The following DENND1A variants were observed in gnomAD, a reference collection of about 807,000 sequenced individuals.
The protein encoded by DENND1A is DENN domain containing 1A, also known as DENN domain-containing protein 1A.
In DENND1A, 51 loss-of-function variants were observed where a neutral mutation model predicts 113.7. The observed-to-expected ratio is 0.45, with a 90% CI of 0.36 to 0.57. The LOEUF (loss-of-function observed/expected upper bound fraction) is 0.57. Ranked by LOEUF, DENND1A falls within the 20% of genes least tolerant of loss-of-function variation. The probability of loss-of-function intolerance (pLI) is 0.00; values close to 1 mark genes in which losing one functional copy is unlikely to be tolerated. For synonymous variants in DENND1A, 565 were observed against 570.8 expected, an observed-to-expected ratio of 0.99 and a Z score of 0.14; for missense variants, 1,258 against 1,395.9, an observed-to-expected ratio of 0.90 and a Z score of 1.57.
chr9:123,852,860 A>G (rs2133168167), intron 2 of DENND1A, among the ~76,000 whole-genome samples: 1 of 152,252 alleles, frequency 6.6e-6, no homozygotes, highest in East Asian at 1.9e-4. Flanking sequence ...TTAAAAAGAA[A>G]GAAAAAACCT....
chr9:123,845,964 C>G (rs556876052), intron 2 of DENND1A, among the ~76,000 whole-genome samples: 1 of 152,194 alleles, frequency 6.6e-6, no homozygotes, highest in Non-Finnish European at 1.5e-5. Context: ...ACTTGCAAGT[C>G]ACATATCTGA....
intron 20 of DENND1A, chr9:123,403,704 G>A (rs2043696742): frequency 1.8e-6 from 1 of 564,474 alleles, no homozygotes; most frequent in Non-Finnish European, 3.2e-6. Context: ...ATTCAAATCA[G>A]AAGGGTGCTC....
chr9:123,463,440 A>T (rs1377627549), intron 13 of DENND1A, among the ~76,000 whole-genome samples: 1 of 152,260 alleles, frequency 6.6e-6, no homozygotes, highest in Non-Finnish European at 1.5e-5. Context: ...TGGCATAAAA[A>T]TAAAATCTCT....
chr9:123,775,652 C>G (rs1159315457), intron 3 of DENND1A, among the ~76,000 whole-genome samples: 2 of 152,160 alleles, frequency 1.3e-5, no homozygotes, highest in African/African-American at 4.8e-5. Context: ...TCACATTAGT[C>G]TAGAGAAAAA....
At chr9:123,836,139 A>G (rs1247830464) in intron 2 of DENND1A, among the ~76,000 whole-genome samples, 1 of 152,206 alleles carries the variant, frequency 6.6e-6, no homozygotes, top group Non-Finnish European at 1.5e-5. Flanking sequence ...TTTATTGACA[A>G]TTAGATAAAC....
intron 18 of DENND1A, among the ~76,000 whole-genome samples, chr9:123,441,380 C>T (rs2046920700): frequency 6.6e-6 from 1 of 152,170 alleles, no homozygotes; most frequent in Non-Finnish European, 1.5e-5. Context: ...CCCCTTCTTA[C>T]CCCTCATCTT....
At chr9:123,786,120 T>A (rs1046134604) in intron 3 of DENND1A, among the ~76,000 whole-genome samples, 2 of 151,646 alleles carry the variant, frequency 1.3e-5, no homozygotes, top group African/African-American at 4.9e-5. Context: ...GGCTGAGACA[T>A]AAGAATTGCT....
intron 19 of DENND1A, among the ~76,000 whole-genome samples, chr9:123,420,678 T>C (rs1005953756): frequency 2.6e-5 from 4 of 152,152 alleles, no homozygotes; most frequent in Non-Finnish European, 5.9e-5. Context: ...TATTTTGTAG[T>C]GGTGCTGGTT....
At chr9:123,736,419 A>C (rs2068570156) in intron 5 of DENND1A, 1 of 152,222 alleles carries the variant, frequency 6.6e-6, no homozygotes, top group African/African-American at 2.4e-5. Context: ...ACAAGGAAAA[A>C]GTCCCTTGCC....
chr9:123,577,195 T>A (rs2058679646), intron 12 of DENND1A, among the ~76,000 whole-genome samples: 1 of 152,214 alleles, frequency 6.6e-6, no homozygotes, highest in Non-Finnish European at 1.5e-5. Flanking sequence ...TGGCTTCATA[T>A]TGAGGAGTTT....
chr9:123,929,655 C>T (rs2134266872), intron 1 of DENND1A, among the ~76,000 whole-genome samples: 1 of 152,102 alleles, frequency 6.6e-6, no homozygotes, highest in East Asian at 1.9e-4. Context: ...CTGTTCCGAC[C>T]CCCAGGTGAG....
At chr9:123,461,898 C>T (rs1010840565) in intron 13 of DENND1A, 2 of 123,292 alleles carry the variant, frequency 1.6e-5, no homozygotes, top group East Asian at 5.5e-4. Context: ...AAGTCTATCA[C>T]ATGGTGTAGT....
At chr9:123,603,425 AT>A (rs1267507080) in intron 11 of DENND1A, among the ~76,000 whole-genome samples, 2 of 152,330 alleles carry the variant, frequency 1.3e-5, no homozygotes, top group Non-Finnish European at 2.9e-5. Context: ...ATGAGCTTTG[AT>A]TTGGCACCTG....
At chr9:123,794,539 C>T (rs1484224314) in intron 2 of DENND1A, among the ~76,000 whole-genome samples, 1 of 152,152 alleles carries the variant, frequency 6.6e-6, no homozygotes, top group Admixed American at 6.5e-5. Flanking sequence ...TACTATCATG[C>T]CCTCTTTCTT....
At chr9:123,843,914 C>T (rs1001786967) in intron 2 of DENND1A, among the ~76,000 whole-genome samples, 5 of 151,988 alleles carry the variant, frequency 3.3e-5, no homozygotes, top group South Asian at 2.1e-4. Context: ...GTTGGTTTAA[C>T]GTCCAAAAAT....
intron 8 of DENND1A, among the ~76,000 whole-genome samples, chr9:123,663,464 G>GT (rs1470072591): frequency 6.6e-6 from 1 of 152,168 alleles, no homozygotes; most frequent in Non-Finnish European, 1.5e-5. Context: ...TGAGAGTTTA[G>GT]TATGCTCTAT....
chr9:123,753,819 G>T (rs757978509), intron 5 of DENND1A, among the ~76,000 whole-genome samples: 1 of 152,206 alleles, frequency 6.6e-6, no homozygotes, highest in Non-Finnish European at 1.5e-5. Flanking sequence ...TGCAAAGCAC[G>T]CTGGGTGTGC....
At chr9:123,411,746 G>A (rs2044320802) in intron 20 of DENND1A, 30 bp downstream of exon 20, 4 of 985,880 alleles carry the variant, frequency 4.1e-6, no homozygotes, top group Middle Eastern at 5.2e-4. Flanking sequence ...GCAGTGTTAG[G>A]TGGGGAGGGC....
At chr9:123,685,208 CTT>C (rs1262535302) in intron 5 of DENND1A, among the ~76,000 whole-genome samples, 1 of 152,212 alleles carries the variant, frequency 6.6e-6, no homozygotes, top group Non-Finnish European at 1.5e-5. Context: ...ATACCGTACT[CTT>C]TGATAACATC....
Sources: allele counts gnomAD v4.1 joint callset (sites outside exome capture counted in the v4.1 genomes callset), GRCh38; gene constraint gnomAD v4.1.1; transcripts MANE v1.5; gene names NCBI Gene and HGNC (gene_info 2026-07-23, HGNC 2026-07-21).